MYO9A: variants seen among roughly 807,000 people sequenced by gnomAD.
The protein encoded by MYO9A is myosin IXA.
In MYO9A, 103 loss-of-function variants were observed where a neutral mutation model predicts 293.3. The ratio of observed to expected loss-of-function variants is 0.35; its 90% CI spans 0.30 to 0.41. The LOEUF (loss-of-function observed/expected upper bound fraction) is 0.41, where lower values mean the gene tolerates loss of function less well. MYO9A is among the 10% of genes least tolerant of loss of function. The pLI, the probability that MYO9A is intolerant of heterozygous loss-of-function variation, is 1.00. For missense variants in MYO9A, 2,685 were observed against 3,033.0 expected, an observed-to-expected ratio of 0.89 and a Z score of 2.69; for synonymous variants, 1,001 against 1,035.7, an observed-to-expected ratio of 0.97 and a Z score of 0.64.
At chr15:72,025,645 C>T (rs1013647604) in intron 4 of MYO9A, among the ~76,000 whole-genome samples, 4 of 151,956 alleles carry the variant, frequency 2.6e-5, no homozygotes, top group South Asian at 2.1e-4. Context: ...CCAGTGCACC[C>T]GGCCACAAAA....
intron 11 of MYO9A, among the ~76,000 whole-genome samples, chr15:71,988,895 A>T (rs1408470225): frequency 6.6e-6 from 1 of 152,098 alleles, no homozygotes; most frequent in Non-Finnish European, 1.5e-5. Flanking sequence ...TGGAAACTGA[A>T]AGCCCACTCT....
Position 71,996,778 on chromosome 15 carries a change from A to T in MYO9A, c.1471-2193T>A, listed in dbSNP as rs117712387. The stretch of plus-strand genomic sequence containing the variant: ...TCATTCTCACTACCGCAGCCTCCGA[A>T]CTCATCTCTCTACATCCACTCCTGC... On this transcript the variant is annotated intron_variant, in intron 9 of 41. Coordinates refer to ENST00000356056, the MANE Select transcript of MYO9A (RefSeq NM_006901.4). 1.1e-3 allele frequency among the ~76,000 whole-genome samples: 165 copies of T among 151,974 alleles called. 3 individuals carry two copies. The East Asian group carries it at 0.03, about 28-fold the overall frequency.
At position 72,101,886 on chromosome 15, in the gene MYO9A, G is replaced by A. The variant is rs1416636654; in HGVS notation, c.-72+15794C>T. 4.6e-5 allele frequency among the ~76,000 whole-genome samples: 7 copies of A among 152,204 alleles called. No individual in the cohort carries two copies. The East Asian group carries it at 1.2e-3, about 25-fold the overall frequency. On this transcript the variant is annotated intron_variant, in intron 1 of 41. Coordinates refer to ENST00000356056, the MANE Select transcript of MYO9A (RefSeq NM_006901.4). ...GAGGTGGGGGGGTCAGCCCCCGACC[G>A]GCCAGCGGCCCCGCCCGGGAGGTGA...
At chr15:71,921,050 A>G (rs2058143773) in intron 18 of MYO9A, among the ~76,000 whole-genome samples, 1 of 152,234 alleles carries the variant, frequency 6.6e-6, no homozygotes, top group Non-Finnish European at 1.5e-5. Flanking sequence ...GGAAGATATC[A>G]AAGTACAAAT....
intron 4 of MYO9A, among the ~76,000 whole-genome samples, chr15:72,022,099 A>G (rs904996974): frequency 3.9e-5 from 6 of 152,254 alleles, no homozygotes; most frequent in African/African-American, 1.2e-4. Context: ...TCAAAAAAGA[A>G]TATCAACTTT....
chr15:72,084,414 T>A (rs1252744173), intron 1 of MYO9A, among the ~76,000 whole-genome samples: 1 of 152,010 alleles, frequency 6.6e-6, no homozygotes, highest in Non-Finnish European at 1.5e-5. Flanking sequence ...CACACCTTAG[T>A]TTTTTTATCC....
chr15:71,927,514 G>A (rs935522879), intron 18 of MYO9A, among the ~76,000 whole-genome samples: 10 of 152,052 alleles, frequency 6.6e-5, no homozygotes, highest in African/African-American at 2.4e-4. Flanking sequence ...CCAGAACCAC[G>A]CTGAGATAAC....
At chr15:72,114,419 A>G (rs528121481) in intron 1 of MYO9A, 2 of 152,374 alleles carry the variant, frequency 1.3e-5, no homozygotes, top group South Asian at 2.1e-4. Context: ...GACCTGAAAT[A>G]TCATGAGGGA....
intron 18 of MYO9A, among the ~76,000 whole-genome samples, chr15:71,928,940 A>G (rs1488781980): frequency 6.6e-6 from 1 of 151,862 alleles, no homozygotes. Flanking sequence ...ATGTGGTAGC[A>G]TGCACCTGCA....
chr15:71,848,705 T>C (rs2055498669), intron 39 of MYO9A, 140 bp downstream of exon 39: 2 of 936,280 alleles, frequency 2.1e-6, no homozygotes, highest in African/African-American at 3.4e-5. Context: ...GAGGAATCCA[T>C]AGCACCTTGA....
At chr15:72,021,608 G>T (rs1376388237) in intron 4 of MYO9A, among the ~76,000 whole-genome samples, 2 of 152,112 alleles carry the variant, frequency 1.3e-5, no homozygotes, top group Non-Finnish European at 2.9e-5. Flanking sequence ...ATTCAATTCG[G>T]ACTTCATATC....
intron 16 of MYO9A, among the ~76,000 whole-genome samples, chr15:71,937,938 T>C (rs2058681472): frequency 6.6e-6 from 1 of 152,130 alleles, no homozygotes; most frequent in African/African-American, 2.4e-5. Context: ...TGGTGGTAGA[T>C]ACCATAGTTA....
chr15:71,950,562 T>C (rs1026135321), intron 15 of MYO9A, among the ~76,000 whole-genome samples: 5 of 152,258 alleles, frequency 3.3e-5, no homozygotes, highest in Non-Finnish European at 5.9e-5. Context: ...TACATTCCTC[T>C]TAGAAACAAC....
chr15:71,990,796 T>A (rs1187475759), intron 11 of MYO9A, among the ~76,000 whole-genome samples: 1 of 151,840 alleles, frequency 6.6e-6, no homozygotes, highest in African/African-American at 2.4e-5. Flanking sequence ...GCTTATTATG[T>A]GCTCTCCACT....
At chr15:72,076,646 G>C (rs753163535) in intron 1 of MYO9A, among the ~76,000 whole-genome samples, 1 of 152,160 alleles carries the variant, frequency 6.6e-6, no homozygotes, top group Non-Finnish European at 1.5e-5. Context: ...GGAAGACTCA[G>C]TATTACTAAG....
intron 18 of MYO9A, 27 bp downstream of exon 18, chr15:71,933,643 T>C (rs1379947665): frequency 3.8e-6 from 6 of 1,594,272 alleles, no homozygotes; most frequent in Middle Eastern, 1.7e-4. Flanking sequence ...AGAATACCAA[T>C]ACAAAAAAAG....
intron 37 of MYO9A, among the ~76,000 whole-genome samples, chr15:71,850,393 T>C (rs971004691): frequency 3.3e-5 from 5 of 152,176 alleles, no homozygotes; most frequent in African/African-American, 1.2e-4. Flanking sequence ...TGAAGCAGTC[T>C]AGGTCAGCCG....
At chr15:71,935,747 T>TA (rs1170123793) in intron 16 of MYO9A, among the ~76,000 whole-genome samples, 1 of 152,148 alleles carries the variant, frequency 6.6e-6, no homozygotes, top group Non-Finnish European at 1.5e-5. Context: ...TCTTTAAATA[T>TA]ATTATCATTC....
At chr15:72,023,009 C>T (rs1156539932) in intron 4 of MYO9A, among the ~76,000 whole-genome samples, 1 of 152,152 alleles carries the variant, frequency 6.6e-6, no homozygotes. Context: ...CTATTTTAAA[C>T]GTGTTCAATG....
Sources: gnomAD v4.1 joint callset for allele counts (sites outside exome capture counted in the v4.1 genomes callset) on GRCh38, gnomAD v4.1.1 for gene constraint, MANE v1.5 for transcripts, NCBI Gene and HGNC (gene_info 2026-07-23, HGNC 2026-07-21) for gene names.